NCALD: variants seen among roughly 807,000 people sequenced by gnomAD.
The protein encoded by NCALD is neurocalcin-delta.
In NCALD, 10 loss-of-function variants were observed where a neutral mutation model predicts 18.6. The ratio of observed to expected loss-of-function variants is 0.54; its 90% CI spans 0.33 to 0.91. The LOEUF (loss-of-function observed/expected upper bound fraction) is 0.91. Ranked by LOEUF, NCALD falls within the 40% of genes least tolerant of loss-of-function variation. The pLI is 0.03. For synonymous variants in NCALD, 88 were observed against 87.4 expected, an observed-to-expected ratio of 1.01 and a Z score of -0.04; for missense variants, 184 against 247.6, an observed-to-expected ratio of 0.74 and a Z score of 1.72.
intron 4 of NCALD, among the ~76,000 whole-genome samples, chr8:101,818,194 C>A (rs924763296): frequency 1.3e-5 from 2 of 152,212 alleles, no homozygotes; most frequent in East Asian, 1.9e-4. Flanking sequence ...ATGCACAGGA[C>A]CTTTTCTCCA....
chr8:101,824,760 A>T (rs1362028390), intron 4 of NCALD, among the ~76,000 whole-genome samples: 5 of 152,204 alleles, frequency 3.3e-5, no homozygotes, highest in Admixed American at 6.5e-5. Context: ...CAAAGGCAGA[A>T]TGAAGTAAGC....
intron 1 of NCALD, among the ~76,000 whole-genome samples, chr8:102,093,348 T>C (rs1219886509): frequency 6.6e-6 from 1 of 152,216 alleles, no homozygotes; most frequent in Non-Finnish European, 1.5e-5. Flanking sequence ...AAGGGGGTTA[T>C]CAAATGCATT....
At chr8:102,112,264 C>A (rs1366363567) in intron 1 of NCALD, among the ~76,000 whole-genome samples, 1 of 152,118 alleles carries the variant, frequency 6.6e-6, no homozygotes, top group Admixed American at 6.5e-5. Flanking sequence ...CTCACAGTAA[C>A]CCCATAAGGC....
intron 4 of NCALD, among the ~76,000 whole-genome samples, chr8:101,830,810 G>T (rs1487684588): frequency 6.7e-6 from 1 of 149,986 alleles, no homozygotes. Flanking sequence ...GTGCGATCTC[G>T]GCTCACTGCA....
chr8:101,831,098 A>G (rs1031656282), intron 4 of NCALD, among the ~76,000 whole-genome samples: 5 of 152,188 alleles, frequency 3.3e-5, no homozygotes, highest in Admixed American at 6.5e-5. Context: ...GCCTCAATCC[A>G]TATTTTCAGT....
chr8:101,936,153 C>T (rs539332789), intron 2 of NCALD, among the ~76,000 whole-genome samples: 4 of 152,154 alleles, frequency 2.6e-5, no homozygotes, highest in Non-Finnish European at 5.9e-5. Context: ...AAGAAGGGTG[C>T]AACAATTATC....
chr8:101,939,517 GT>G (rs1488611830), intron 2 of NCALD, among the ~76,000 whole-genome samples: 1 of 152,134 alleles, frequency 6.6e-6, no homozygotes, highest in Non-Finnish European at 1.5e-5. Context: ...GCAAATTGGA[GT>G]TTCTAAAAGC....
intron 4 of NCALD, among the ~76,000 whole-genome samples, chr8:101,873,028 G>T (rs7820619): frequency 0.032 from 4,801 of 152,310 alleles, 220 homozygotes; most frequent in African/African-American, 0.11. Flanking sequence ...CTCTGCAGTA[G>T]ATTTCCCCAC....
intron 1 of NCALD, among the ~76,000 whole-genome samples, chr8:101,724,745 G>A (rs1816499670): frequency 1.3e-5 from 2 of 152,212 alleles, no homozygotes; most frequent in Non-Finnish European, 2.9e-5. Flanking sequence ...AAAACTCAGA[G>A]AGGCTAGGTG....
intron 4 of NCALD, among the ~76,000 whole-genome samples, chr8:101,883,275 G>A (rs143861066): frequency 1.2e-3 from 189 of 152,292 alleles, no homozygotes; most frequent in African/African-American, 4.2e-3. Flanking sequence ...TCAGGAGGCT[G>A]AGGCTTCAGT....
intron 4 of NCALD, among the ~76,000 whole-genome samples, chr8:101,811,118 G>A (rs1813288890): frequency 6.6e-6 from 1 of 152,078 alleles, no homozygotes; most frequent in Admixed American, 6.6e-5. Flanking sequence ...CCCCCCATGT[G>A]TCCTGTCCTA....
chr8:101,710,212 T>C (rs1815720545), intron 2 of NCALD, among the ~76,000 whole-genome samples: 1 of 152,160 alleles, frequency 6.6e-6, no homozygotes, highest in Admixed American at 6.5e-5. Flanking sequence ...AGCCATGCTG[T>C]GAGGAATGGT....
intron 1 of NCALD, among the ~76,000 whole-genome samples, chr8:101,753,993 C>A (rs59752683): frequency 3.7e-4 from 57 of 152,266 alleles, no homozygotes; most frequent in Middle Eastern, 3.4e-3. Context: ...CCAGACAATG[C>A]CCCAACCACT....
intron 2 of NCALD, among the ~76,000 whole-genome samples, chr8:101,978,006 C>T (rs1820484051): frequency 6.6e-6 from 1 of 151,830 alleles, no homozygotes; most frequent in African/African-American, 2.4e-5. Flanking sequence ...GCCCTCAGTG[C>T]CCCCTCCCCA....
intron 2 of NCALD, among the ~76,000 whole-genome samples, chr8:101,968,067 C>T (rs755688768): frequency 1.3e-5 from 2 of 152,154 alleles, no homozygotes; most frequent in African/African-American, 2.4e-5. Flanking sequence ...CAAATCTGCC[C>T]ATCACTTTCA....
At chr8:102,063,168 T>C (rs1823900839) in intron 1 of NCALD, among the ~76,000 whole-genome samples, 1 of 152,218 alleles carries the variant, frequency 6.6e-6, no homozygotes, top group African/African-American at 2.4e-5. Context: ...ATTGTTTTGC[T>C]GAAACTAAGT....
chr8:101,807,218 T>C (rs1279986386), intron 4 of NCALD, among the ~76,000 whole-genome samples: 3 of 152,150 alleles, frequency 2.0e-5, no homozygotes, highest in Non-Finnish European at 2.9e-5. Context: ...GAAAAGGTAA[T>C]TGTGTAATTA....
chr8:101,794,256 TGTACAACACTACAGTTA>T (rs1303177195), upstream of NCALD, among the ~76,000 whole-genome samples: 6 of 152,240 alleles, frequency 3.9e-5, no homozygotes, highest in African/African-American at 1.4e-4. Context: ...CTTATTCATC[TGTACAACACTACAGTTA>T]GCACACAACC....
intron 1 of NCALD, among the ~76,000 whole-genome samples, chr8:101,748,407 C>T (rs146899650): frequency 6.6e-6 from 1 of 152,170 alleles, no homozygotes; most frequent in Non-Finnish European, 1.5e-5. Flanking sequence ...GTTTAAGTGG[C>T]TTGATTGTCA....
Sources: allele counts gnomAD v4.1 joint callset (sites outside exome capture counted in the v4.1 genomes callset), GRCh38; gene constraint gnomAD v4.1.1; transcripts MANE v1.5; gene names NCBI Gene and HGNC (gene_info 2026-07-23, HGNC 2026-07-21).